Variants in ME1 observed in about 807,000 individuals in gnomAD.
ME1 encodes the protein malic enzyme 1, also known as NADP-dependent malic enzyme.
A neutral mutation model predicts 66.4 loss-of-function variants in ME1; 74 were observed. That is an observed-to-expected ratio of 1.11 (90% CI 0.92 to 1.35). ME1 has a LOEUF of 1.35. Ranked by LOEUF, ME1 falls within the 40% of genes most tolerant of loss-of-function variation. The probability of loss-of-function intolerance (pLI) is 0.00; values close to 1 mark genes in which losing one functional copy is unlikely to be tolerated. For synonymous variants in ME1, 251 were observed against 235.6 expected (o/e 1.07, Z -0.60); for missense variants, 750 against 694.1 (o/e 1.08, Z -0.90).
intron 3 of ME1, among the ~76,000 whole-genome samples, chr6:83,357,785 A>C (rs1399248259): frequency 6.6e-6 from 1 of 151,352 alleles, no homozygotes; most frequent in African/African-American, 2.4e-5. Context: ...CTTCCCTCGA[A>C]CATCGAACTC....
chr6:83,346,921 C>T (rs894031082), intron 4 of ME1, among the ~76,000 whole-genome samples: 2 of 144,780 alleles, frequency 1.4e-5, no homozygotes, highest in Non-Finnish European at 3.1e-5. Flanking sequence ...TTGTCTTTCT[C>T]CTTCCTTCCT....
intron 9 of ME1, among the ~76,000 whole-genome samples, chr6:83,233,566 G>T (rs951924422): frequency 1.3e-5 from 2 of 151,966 alleles, no homozygotes; most frequent in Admixed American, 6.6e-5. Flanking sequence ...ATTATCTAGC[G>T]TGATGATGAT....
chr6:83,373,238 A>AT (rs1325492013), intron 3 of ME1, among the ~76,000 whole-genome samples: 3 of 125,612 alleles, frequency 2.4e-5, no homozygotes, highest in Non-Finnish European at 5.0e-5. Context: ...AGTAACATGT[A>AT]TTTGTTTTTT....
intron 3 of ME1, among the ~76,000 whole-genome samples, chr6:83,391,457 T>C (rs1014096334): frequency 3.3e-5 from 5 of 152,160 alleles, no homozygotes; most frequent in Non-Finnish European, 7.4e-5. Flanking sequence ...CATCTCTCAC[T>C]GGGTTTATTT....
At chr6:83,346,037 A>G (rs1336858245) in intron 5 of ME1, 136 bp downstream of exon 5, 2 of 626,292 alleles carry the variant, frequency 3.2e-6, no homozygotes, top group Non-Finnish European at 5.2e-6. Flanking sequence ...TACAACAGTA[A>G]AGGGCAGATT....
intron 3 of ME1, among the ~76,000 whole-genome samples, chr6:83,394,455 T>A (rs1049506204): frequency 2.0e-5 from 3 of 152,270 alleles, no homozygotes; most frequent in African/African-American, 7.2e-5. Flanking sequence ...AATAAAAAAA[T>A]TTTAATGTAG....
At chr6:83,346,361 TAAC>T in intron 4 of ME1, 27 bp from the exon 5 acceptor site, 2 of 1,541,052 alleles carry the variant, frequency 1.3e-6, no homozygotes, top group Non-Finnish European at 1.8e-6. Context: ...AATTACCTAT[TAAC>T]AAGTTTTCAC....
chr6:83,246,462 T>A (rs1790624616), intron 7 of ME1, among the ~76,000 whole-genome samples: 1 of 152,100 alleles, frequency 6.6e-6, no homozygotes, highest in South Asian at 2.1e-4. Flanking sequence ...AATTTTAATT[T>A]ACAAAAAATA....
chr6:83,386,654 G>A (rs1033417142), intron 3 of ME1, among the ~76,000 whole-genome samples: 10 of 152,028 alleles, frequency 6.6e-5, no homozygotes, highest in African/African-American at 2.4e-4. Context: ...ATAACAAGTA[G>A]AATAGCATTA....
chr6:83,359,528 A>C (rs1451361352), intron 3 of ME1, among the ~76,000 whole-genome samples: 2 of 152,184 alleles, frequency 1.3e-5, no homozygotes, highest in Non-Finnish European at 2.9e-5. Context: ...GTTGCAGCTC[A>C]GGGGGTTACA....
At chr6:83,220,262 C>T (rs573787167) in intron 12 of ME1, among the ~76,000 whole-genome samples, 12 of 152,112 alleles carry the variant, frequency 7.9e-5, no homozygotes, top group Non-Finnish European at 1.5e-4. Context: ...GAGCAGATAT[C>T]AGAAAGGAGT....
chr6:83,259,766 T>C (rs1766849741), intron 6 of ME1, among the ~76,000 whole-genome samples: 2 of 152,198 alleles, frequency 1.3e-5, no homozygotes, highest in African/African-American at 2.4e-5. Flanking sequence ...TATTATTTTG[T>C]AACATTTAGA....
At chr6:83,347,146 G>T (rs935513109) in intron 4 of ME1, among the ~76,000 whole-genome samples, 1 of 152,004 alleles carries the variant, frequency 6.6e-6, no homozygotes, top group Non-Finnish European at 1.5e-5. Flanking sequence ...TAGAGACAGG[G>T]TTTCACCATG....
chr6:83,410,541 T>C (rs1341384944), intron 1 of ME1, among the ~76,000 whole-genome samples: 3 of 152,028 alleles, frequency 2.0e-5, no homozygotes, highest in African/African-American at 7.2e-5. Flanking sequence ...TGGACAGTAA[T>C]ATATTTGAAA....
intron 9 of ME1, among the ~76,000 whole-genome samples, chr6:83,234,938 A>G (rs961685730): frequency 6.6e-6 from 1 of 152,170 alleles, no homozygotes; most frequent in African/African-American, 2.4e-5. Context: ...TTAACAAAAT[A>G]TTTGTTGTCA....
intron 3 of ME1, among the ~76,000 whole-genome samples, chr6:83,377,210 T>C (rs572687692): frequency 8.7e-4 from 133 of 152,352 alleles, no homozygotes; most frequent in African/African-American, 3.1e-3. Context: ...ATTATGATGA[T>C]GGGGTAACAA....
At chr6:83,428,068 C>T (rs143592174) in intron 1 of ME1, among the ~76,000 whole-genome samples, 18 of 150,014 alleles carry the variant, frequency 1.2e-4, no homozygotes, top group African/African-American at 4.2e-4. Context: ...TTATATAGTA[C>T]AACTGAATAC....
At chr6:83,425,716 C>A (rs1402565505) in intron 1 of ME1, among the ~76,000 whole-genome samples, 8 of 152,150 alleles carry the variant, frequency 5.3e-5, no homozygotes, top group Non-Finnish European at 1.2e-4. Context: ...ATCAAACACA[C>A]AAGTATTTTT....
intron 6 of ME1, among the ~76,000 whole-genome samples, chr6:83,276,172 A>G (rs1319685628): frequency 6.6e-6 from 1 of 152,180 alleles, no homozygotes; most frequent in Non-Finnish European, 1.5e-5. Flanking sequence ...AAACAAATTC[A>G]CGATGCAGTT....
Sources: allele counts gnomAD v4.1 joint callset (sites outside exome capture counted in the v4.1 genomes callset), GRCh38; gene constraint gnomAD v4.1.1; transcripts MANE v1.5; gene names NCBI Gene and HGNC (gene_info 2026-07-23, HGNC 2026-07-21).